Variants in FAM89B observed in about 807,000 individuals in gnomAD.
FAM89B encodes family with sequence similarity 89 member B.
Under a neutral mutation model 13.4 loss-of-function variants are expected in FAM89B, and 9 were observed. The observed-to-expected ratio is 0.67, with a 90% CI of 0.40 to 1.17. The LOEUF (loss-of-function observed/expected upper bound fraction) is 1.17. Ranked by LOEUF, FAM89B falls within the 50% of genes most tolerant of loss-of-function variation. The pLI, the probability that FAM89B is intolerant of heterozygous loss-of-function variation, is 0.01. For synonymous variants in FAM89B, 138 were observed against 121.2 expected, an observed-to-expected ratio of 1.14 and a Z score of -0.91; for missense variants, 256 against 256.1, an observed-to-expected ratio of 1.00 and a Z score of 0.00.
Position 65,572,937 on chromosome 11 carries a change from C to G in FAM89B, c.268C>G (p.Leu90Val). ...TCGTCCTGTCAACCTCGACTCAGCG[C>G]TGGCCGCGCTGCGCAAGGAGATGGT... The part of the protein sequence containing the change: ...PRRPVNLDSA[L>V]AALRKEMVGL... The change falls in exon 1 of 2, where the codon CTG (leucine) becomes GTG (valine). Residue 90 changes from leucine to valine, a missense_variant. Leu to Val is a conservative substitution (Grantham distance 32). Transcript: ENST00000530349. 8.2e-7 allele frequency: 1 copy of G among 1,222,016 alleles called. No homozygotes were observed. Among genetic ancestry groups the G allele is most frequent in the African/African-American group, 1.6e-5 (1 of 63,848 alleles). 75.7% of individuals were successfully genotyped at this position (1,222,016 alleles called of 1,614,324 possible).
At position 65,572,743 on chromosome 11, in the gene FAM89B, G is replaced by A; in HGVS notation, c.74G>A (p.Arg25His). 8.5e-7 allele frequency: 1 copy of A among 1,170,046 alleles called. No homozygotes were observed. Among genetic ancestry groups the A allele is most frequent in the African/African-American group, 1.6e-5 (1 of 61,776 alleles). 72.5% of individuals were successfully genotyped at this position (1,170,046 alleles called of 1,614,324 possible). The change falls in exon 1 of 2, where the codon CGC becomes CAC. Residue 25 changes from arginine (R) to histidine (H), a missense_variant. Physicochemically the swap from Arg to His is conservative, Grantham distance 29. Coordinates refer to ENST00000530349, the MANE Select transcript of FAM89B (RefSeq NM_001098785.2). The stretch of plus-strand genomic sequence containing the variant: ...TTGGCCGGGCTCCCACCGCTGCCGC[G>A]CGGCCTCAGCGGCCTCCTTAATGCG... ...CALAGLPPLP[R>H]GLSGLLNASG...
At position 65,573,645 on chromosome 11, in the gene FAM89B, G is replaced by A; in HGVS notation, c.*4G>A. On this transcript the variant is annotated 3_prime_UTR_variant, in exon 2 of 2. Coordinates refer to ENST00000530349, the MANE Select transcript of FAM89B (RefSeq NM_001098785.2). The stretch of plus-strand genomic sequence containing the variant: ...TGCCTTCCACATCAGCCTCTGAAGG[G>A]CTGGGGGGCAGGGGGCATGCACCCA... 6.3e-7 allele frequency: 1 copy of A among 1,599,052 alleles called. No individual in the cohort carries two copies. Among genetic ancestry groups the A allele is most frequent in the Non-Finnish European group, 8.5e-7 (1 of 1,175,920 alleles).
chr11:65,574,012 T>C lies in FAM89B; in HGVS notation c.*371T>C, dbSNP rs1857178668. The C allele has an allele frequency of 1.1e-5, 2 of 187,618 alleles. No individual in the cohort carries two copies. The highest frequency in any genetic ancestry group is 2.2e-5 in the Non-Finnish European group (2 of 90,298). 11.6% of individuals were successfully genotyped at this position (187,618 alleles called of 1,614,324 possible). A position where few individuals can be genotyped will look rare whatever the true frequency, so the allele number is the denominator to read the frequency against. ...ATCTCCTCCTCACCTTTTGTTGCTATCGGCAGCTGCTGGCTCAGGGGCATC... is the reference window on the plus strand; with the variant it reads ...ATCTCCTCCTCACCTTTTGTTGCTACCGGCAGCTGCTGGCTCAGGGGCATC... On this transcript the variant is annotated 3_prime_UTR_variant, in exon 2 of 2. Coordinates refer to ENST00000530349, the MANE Select transcript of FAM89B (RefSeq NM_001098785.2).
intron 1 of FAM89B, 120 bp downstream of exon 1, chr11:65,573,080 T>C (rs917633527): frequency 8.1e-6 from 8 of 985,206 alleles, no homozygotes; most frequent in Non-Finnish European, 1.1e-5. Flanking sequence ...GCAAGGGTTA[T>C]GGTAACAATA....
Position 65,572,922 on chromosome 11 carries a change from A to C in FAM89B, c.253A>C (p.Asn85His). Residue 85 changes from asparagine to histidine, a missense_variant, in exon 1 of 2, where the codon AAC (asparagine) becomes CAC (histidine). Transcript: ENST00000530349. ...CGCAGCCGGCCCGCGTCGTCCTGTCAACCTCGACTCAGCGCTGGCCGCGCT... is the reference window on the plus strand; with the variant it reads ...CGCAGCCGGCCCGCGTCGTCCTGTCCACCTCGACTCAGCGCTGGCCGCGCT... ...GPAAGPRRPVNLDSALAALRK... is the reference protein window; with the variant it reads ...GPAAGPRRPVHLDSALAALRK... 1 of 1,221,680 alleles carries C rather than the reference A, an allele frequency of 8.2e-7. No homozygotes were observed. Among genetic ancestry groups the C allele is most frequent in the Non-Finnish European group, 1.0e-6 (1 of 983,516 alleles). 75.7% of individuals were successfully genotyped at this position (1,221,680 alleles called of 1,614,324 possible). A position where few individuals can be genotyped will look rare whatever the true frequency, so the allele number is the denominator to read the frequency against.
chr11:65,573,729 T>TC lies in FAM89B; in HGVS notation c.*94dup, dbSNP rs1857173713. ...CCCTCAGACTTCGGAGCCTGCGCCT[T>TC]CCCCCCTACCGCCTCACCTCACAGG... On this transcript the variant is annotated 3_prime_UTR_variant, in exon 2 of 2. Coordinates refer to ENST00000530349, the MANE Select transcript of FAM89B (RefSeq NM_001098785.2). 7.0e-7 allele frequency: 1 copy of TC among 1,438,044 alleles called. No individual in the cohort carries two copies. The allele number at this position is 1,438,044 out of a possible 1,614,324, so 89.1% of individuals were successfully genotyped here.
Position 65,573,712 on chromosome 11 carries a change from C to CT in FAM89B, c.*73dup. 6.6e-7 allele frequency: 1 copy of CT among 1,504,446 alleles called. No homozygotes were observed. Among genetic ancestry groups the CT allele is most frequent in the Non-Finnish European group, 8.9e-7 (1 of 1,125,500 alleles). 93.2% of individuals were successfully genotyped at this position (1,504,446 alleles called of 1,614,324 possible). A position where few individuals can be genotyped will look rare whatever the true frequency, so the allele number is the denominator to read the frequency against. On this transcript the variant is annotated 3_prime_UTR_variant, in exon 2 of 2. Coordinates refer to ENST00000530349, the MANE Select transcript of FAM89B (RefSeq NM_001098785.2). Reference sequence around the variant, plus strand: ...ACTCCCCCTCCGGCAAGCCCTCAGACTTCGGAGCCTGCGCCTTCCCCCCTA... The same window carrying CT: ...ACTCCCCCTCCGGCAAGCCCTCAGACTTTCGGAGCCTGCGCCTTCCCCCCTA...
chr11:65,573,487 A>G lies in FAM89B; in HGVS notation c.416A>G (p.His139Arg). The G allele has an allele frequency of 6.2e-7, 1 of 1,614,114 alleles. No individual in the cohort carries two copies. Among genetic ancestry groups the G allele is most frequent in the Non-Finnish European group, 8.5e-7 (1 of 1,180,000 alleles). The part of the protein sequence containing the change: ...SFCQDLSSSL[H>R]SDSSYPPDAG... ...TGCCAGGACCTGTCATCCTCCCTCC[A>G]TTCGGACAGCTCCTACCCACCGGAT... The change falls in exon 2 of 2, where the codon CAT becomes CGT. Residue 139 changes from histidine to arginine, a missense_variant. Physicochemically the swap from His to Arg is conservative, Grantham distance 29. Coordinates refer to ENST00000530349, the MANE Select transcript of FAM89B (RefSeq NM_001098785.2).
At position 65,572,771 on chromosome 11, in the gene FAM89B, C is replaced by T; in HGVS notation, c.102C>T (p.Ser34=). 13 of 1,196,884 alleles carry T rather than the reference C, an allele frequency of 1.1e-5. No individual in the cohort carries two copies. Among genetic ancestry groups the T allele is most frequent in the Non-Finnish European group, 1.4e-5 (13 of 959,156 alleles). The allele number at this position is 1,196,884 out of a possible 1,614,324, so 74.1% of individuals were successfully genotyped here. The part of the protein sequence containing the change: ...PRGLSGLLNA[S]GGSWRELERV... The stretch of plus-strand genomic sequence containing the variant: ...GCCTCAGCGGCCTCCTTAATGCGAG[C>T]GGGGGCTCGTGGCGGGAGCTGGAGC... Residue 34 remains serine, a synonymous_variant, in exon 1 of 2, where the codon AGC becomes AGT. Transcript: ENST00000530349.
Position 65,572,975 on chromosome 11 carries a change from G to A in FAM89B, c.291+15G>A, listed in dbSNP as rs760643389. ...GCAAGGAGATGGTGAGTGGGTGGGC[G>A]CCGGGCCAGCTGGGCGGGGGGCTGA... On this transcript the variant is annotated intron_variant, in intron 1 of 1. Coordinates refer to ENST00000530349, the MANE Select transcript of FAM89B (RefSeq NM_001098785.2). 4 of 1,225,278 alleles carry A rather than the reference G, an allele frequency of 3.3e-6. No homozygotes were observed. In the East Asian group the frequency reaches 1.3e-4, roughly 39 times the overall value. 75.9% of individuals were successfully genotyped at this position (1,225,278 alleles called of 1,614,324 possible).
In FAM89B at chr11:65,572,681, G is replaced by T; in HGVS notation, c.12G>T (p.Leu4=). 8.6e-7 allele frequency: 1 copy of T among 1,160,332 alleles called. No individual in the cohort carries two copies. Among genetic ancestry groups the T allele is most frequent in the South Asian group, 4.2e-5 (1 of 24,026 alleles). 71.9% of individuals were successfully genotyped at this position (1,160,332 alleles called of 1,614,324 possible). The part of the protein sequence containing the change: MNG[L]PSAEAPGGAG... ...CGCCGGCCCCGGCCATGAACGGGCT[G>T]CCCTCGGCAGAGGCGCCGGGCGGGG... The change falls in exon 1 of 2, where the codon CTG becomes CTT. Residue 4 remains leucine (L), a synonymous_variant. Transcript: ENST00000530349.
rs1188732368 is a variant in FAM89B, at chr11:65,572,596, G to T, written c.-74G>T. On this transcript the variant is annotated 5_prime_UTR_variant, in exon 1 of 2. Transcript: ENST00000530349. The stretch of plus-strand genomic sequence containing the variant: ...GGCTCCGGCGGGGCCGCGGGGTGCG[G>T]GGCCTGCGGGCGGCGGCCCGGGCGG... 1 of 1,230,112 alleles carries T rather than the reference G, an allele frequency of 8.1e-7. No homozygotes were observed. Among genetic ancestry groups the T allele is most frequent in the Non-Finnish European group, 1.0e-6 (1 of 990,280 alleles). The allele number at this position is 1,230,112 out of a possible 1,614,324, so 76.2% of individuals were successfully genotyped here. A position where few individuals can be genotyped will look rare whatever the true frequency, so the allele number is the denominator to read the frequency against.
In FAM89B at chr11:65,572,884, C is replaced by T; in HGVS notation, c.215C>T (p.Ala72Val). Residue 72 changes from alanine (A) to valine (V), a missense_variant, in exon 1 of 2, where the codon GCC (alanine) becomes GTC (valine). Physicochemically the swap from Ala to Val is moderately conservative, Grantham distance 64. Transcript: ENST00000530349. ...PDGPRHAAGA[A>V]NAGPAAGPRR... Reference sequence around the variant, plus strand: ...GGGCCCCGCCACGCCGCCGGCGCCGCCAACGCGGGACCCGCAGCCGGCCCG... The same window carrying T: ...GGGCCCCGCCACGCCGCCGGCGCCGTCAACGCGGGACCCGCAGCCGGCCCG... 8.3e-7 allele frequency: 1 copy of T among 1,207,778 alleles called. No homozygotes were observed. Among genetic ancestry groups the T allele is most frequent in the Non-Finnish European group, 1.0e-6 (1 of 975,982 alleles). 74.8% of individuals were successfully genotyped at this position (1,207,778 alleles called of 1,614,324 possible).
chr11:65,573,460 T>C lies in FAM89B; in HGVS notation c.389T>C (p.Phe130Ser). Residue 130 changes from phenylalanine to serine, a missense_variant, in exon 2 of 2, where the codon TTC becomes TCC. Coordinates refer to ENST00000530349, the MANE Select transcript of FAM89B (RefSeq NM_001098785.2). ...AAACACCTGTGCCAAGACCTGAGCT[T>C]CTGCCAGGACCTGTCATCCTCCCTC... ...DYKHLCQDLSFCQDLSSSLHS... is the reference protein window; with the variant it reads ...DYKHLCQDLSSCQDLSSSLHS... 6.2e-7 allele frequency: 1 copy of C among 1,614,050 alleles called. No individual in the cohort carries two copies. Among genetic ancestry groups the C allele is most frequent in the Non-Finnish European group, 8.5e-7 (1 of 1,179,922 alleles).
rs1320908937 is a variant in FAM89B, at chr11:65,573,600, C to T, written c.529C>T (p.Arg177Cys). The change falls in exon 2 of 2, where the codon CGT becomes TGT. Residue 177 changes from arginine (R) to cysteine (C), a missense_variant. Transcript: ENST00000530349. ...TACTGTGCCCCAGACGCACAATGCC[C>T]GTGACCAGTGGCTGCAGGATGCCTT... The part of the protein sequence containing the change: ...PLTVPQTHNA[R>C]DQWLQDAFHI... 2.5e-6 allele frequency: 4 copies of T among 1,611,892 alleles called. No individual in the cohort carries two copies. In the Admixed American group the frequency reaches 6.7e-5, roughly 27 times the overall value.
chr11:65,573,042 C>A, intron 1 of FAM89B, 82 bp downstream of exon 1: 1 of 1,196,654 alleles, frequency 8.4e-7, no homozygotes, highest in Non-Finnish European at 1.0e-6. Context: ...GCCTGGGTCT[C>A]AGAGGACTTG....
Position 65,572,903 on chromosome 11 carries a change from C to T in FAM89B, c.234C>T (p.Ala78=). The change falls in exon 1 of 2, where the codon GCC becomes GCT. Residue 78 remains alanine (A), a synonymous_variant. Transcript: ENST00000530349. ...GCGCCGCCAACGCGGGACCCGCAGC[C>T]GGCCCGCGTCGTCCTGTCAACCTCG... ...AAGAANAGPA[A]GPRRPVNLDS... 4 of 1,215,732 alleles carry T rather than the reference C, an allele frequency of 3.3e-6. No individual in the cohort carries two copies. The highest frequency in any genetic ancestry group is 4.1e-6 in the Non-Finnish European group (4 of 980,376). The allele number at this position is 1,215,732 out of a possible 1,614,324, so 75.3% of individuals were successfully genotyped here. A position where few individuals can be genotyped will look rare whatever the true frequency, so the allele number is the denominator to read the frequency against.
chr11:65,572,749 T>G lies in FAM89B; in HGVS notation c.80T>G (p.Leu27Arg). ...GGGCTCCCACCGCTGCCGCGCGGCC[T>G]CAGCGGCCTCCTTAATGCGAGCGGG... The part of the protein sequence containing the change: ...LAGLPPLPRG[L>R]SGLLNASGGS... The change falls in exon 1 of 2, where the codon CTC (leucine) becomes CGC (arginine). Residue 27 changes from leucine (L) to arginine (R), a missense_variant. Coordinates refer to ENST00000530349, the MANE Select transcript of FAM89B (RefSeq NM_001098785.2). 3 of 1,175,908 alleles carry G rather than the reference T, an allele frequency of 2.6e-6. No individual in the cohort carries two copies. The highest frequency in any genetic ancestry group is 3.2e-6 in the Non-Finnish European group (3 of 949,662). 72.8% of individuals were successfully genotyped at this position (1,175,908 alleles called of 1,614,324 possible).
intron 1 of FAM89B, among the ~76,000 whole-genome samples, 160 bp downstream of exon 1, chr11:65,573,120 G>C (rs776314545): frequency 1.1e-4 from 17 of 152,246 alleles, no homozygotes; most frequent in Non-Finnish European, 2.1e-4. Context: ...TATGGCAGTA[G>C]TTACCATATA....
Sources: gnomAD v4.1 joint callset for allele counts (sites outside exome capture counted in the v4.1 genomes callset) on GRCh38, gnomAD v4.1.1 for gene constraint, MANE v1.5 for transcripts, NCBI Gene and HGNC (gene_info 2026-07-23, HGNC 2026-07-21) for gene names.